The following ARID5B variants were observed in gnomAD, a reference collection of about 807,000 sequenced individuals.
The protein encoded by ARID5B is AT-rich interaction domain 5B.
In ARID5B, 13 loss-of-function variants were observed where a neutral mutation model predicts 97.2. The observed-to-expected ratio is 0.13, with a 90% confidence interval of 0.09 to 0.21. The LOEUF is 0.21. Ranked by LOEUF, ARID5B falls within the 10% of genes least tolerant of loss-of-function variation. The pLI is 1.00. For synonymous variants in ARID5B, 556 were observed against 570.3 expected, an observed-to-expected ratio of 0.97 and a Z score of 0.36; for missense variants, 1,210 against 1,465.3, an observed-to-expected ratio of 0.83 and a Z score of 2.84.
rs1272054120 is a variant in ARID5B at position 62,077,698 on chromosome 10, A to C, written c.1199+7901A>C. On this transcript the variant is annotated intron_variant, in intron 8 of 9. Transcript: ENST00000279873. Reference sequence around the variant, plus strand: ...ATAGTTTTCATCAAGCATGAATTTAAATTTGAGAATAGATTAGGTGTCTTA... The same window carrying C: ...ATAGTTTTCATCAAGCATGAATTTACATTTGAGAATAGATTAGGTGTCTTA... Among the ~76,000 whole-genome samples, 2 of 152,208 alleles carry C rather than the reference A, an allele frequency of 1.3e-5. 1 individual carries two copies. Among genetic ancestry groups the C allele is most frequent in the Non-Finnish European group, 2.9e-5 (2 of 68,038 alleles).
intron 3 of ARID5B, among the ~76,000 whole-genome samples, chr10:61,964,259 G>A (rs1374061530): frequency 6.6e-6 from 1 of 152,130 alleles, no homozygotes; most frequent in Non-Finnish European, 1.5e-5. Context: ...CAGAGATAGG[G>A]AGGAAGAGTC....
At chr10:62,040,656 A>G (rs1839625051) in intron 4 of ARID5B, among the ~76,000 whole-genome samples, 1 of 152,220 alleles carries the variant, frequency 6.6e-6, no homozygotes, top group African/African-American at 2.4e-5. Flanking sequence ...TGTGGAGTTA[A>G]TTTTAATAAT....
intron 4 of ARID5B, among the ~76,000 whole-genome samples, chr10:62,037,181 A>C (rs1334226256): frequency 1.3e-5 from 2 of 152,234 alleles, no homozygotes; most frequent in Admixed American, 1.3e-4. Context: ...AGTAATCCAA[A>C]GTATTAGCAA....
At position 62,091,003 on chromosome 10, in the gene ARID5B, C is replaced by T. The variant is rs555707909; in HGVS notation, c.1540C>T (p.Pro514Ser). The T allele has an allele frequency of 4.3e-6, 7 of 1,614,010 alleles. No individual in the cohort carries two copies. The East Asian group carries it at 1.1e-4, about 26-fold the overall frequency. Reference sequence around the variant, plus strand: ...GAAGCCCCTGGCATCCAGAGTAGACCCAGAGAAGGACAACGAAACAGACCA... The same window carrying T: ...GAAGCCCCTGGCATCCAGAGTAGACTCAGAGAAGGACAACGAAACAGACCA... ...SAKPLASRVD[P>S]EKDNETDQGS... Residue 514 changes from proline (P) to serine (S), a missense_variant, in exon 10 of 10, where the codon CCA (proline) becomes TCA (serine). Coordinates refer to ENST00000279873, the MANE Select transcript of ARID5B (RefSeq NM_032199.3).
intron 4 of ARID5B, among the ~76,000 whole-genome samples, chr10:62,021,484 G>A (rs1839355919): frequency 6.6e-6 from 1 of 152,124 alleles, no homozygotes; most frequent in Non-Finnish European, 1.5e-5. Flanking sequence ...AGAGGAAGTT[G>A]GCATAATTGA....
intron 4 of ARID5B, among the ~76,000 whole-genome samples, chr10:62,045,692 A>C (rs1016824932): frequency 6.6e-6 from 1 of 151,646 alleles, no homozygotes; most frequent in Non-Finnish European, 1.5e-5. Context: ...CACGTGATCC[A>C]CCCGCCTCAG....
intron 8 of ARID5B, among the ~76,000 whole-genome samples, chr10:62,081,930 T>C (rs1404274973): frequency 6.6e-6 from 1 of 152,184 alleles, no homozygotes; most frequent in Non-Finnish European, 1.5e-5. Flanking sequence ...ATTTAGTGGC[T>C]CAGATGCTAA....
intron 2 of ARID5B, among the ~76,000 whole-genome samples, chr10:61,934,671 A>G (rs1003518354): frequency 6.6e-6 from 1 of 152,190 alleles, no homozygotes; most frequent in Admixed American, 6.5e-5. Flanking sequence ...TTGCCACCTT[A>G]TATCTGCATG....
intron 2 of ARID5B, among the ~76,000 whole-genome samples, chr10:61,915,152 C>A (rs756043287): frequency 1.3e-5 from 2 of 152,134 alleles, no homozygotes; most frequent in African/African-American, 2.4e-5. Flanking sequence ...CTCCACATAG[C>A]GCCTTTCTCA....
chr10:62,002,340 C>T (rs910963287), intron 4 of ARID5B, among the ~76,000 whole-genome samples: 1 of 152,138 alleles, frequency 6.6e-6, no homozygotes, highest in African/African-American at 2.4e-5. Context: ...TCTGGTATAG[C>T]TAATTTTAAT....
intron 4 of ARID5B, among the ~76,000 whole-genome samples, chr10:62,030,203 C>T (rs1203891919): frequency 2.0e-5 from 3 of 151,706 alleles, no homozygotes; most frequent in Admixed American, 1.3e-4. Context: ...GATCTCGGCT[C>T]ACGGCAACTT....
chr10:61,909,318 G>GTTTTTTTTTTTTT (rs777612375), intron 2 of ARID5B, among the ~76,000 whole-genome samples: 1 of 77,242 alleles, frequency 1.3e-5, no homozygotes, highest in Non-Finnish European at 2.3e-5. Flanking sequence ...TATTCAGTGA[G>GTTTTTTTTTTTTT]TTTTTTTTTT....
chr10:61,977,014 C>T (rs183266728), intron 3 of ARID5B, among the ~76,000 whole-genome samples: 13 of 152,262 alleles, frequency 8.5e-5, no homozygotes, highest in African/African-American at 2.4e-4. Context: ...CTCCCCTCCC[C>T]TCACCCCACA....
chr10:61,905,790 G>A (rs779004438), intron 2 of ARID5B, among the ~76,000 whole-genome samples: 1 of 152,144 alleles, frequency 6.6e-6, no homozygotes, highest in Admixed American at 6.5e-5. Flanking sequence ...TCCTTATCCT[G>A]TAAAGTTAAG....
At position 62,051,008 on chromosome 10, in the gene ARID5B, C is replaced by A. The variant is rs1839781991; in HGVS notation, c.846+8C>A. The stretch of plus-strand genomic sequence containing the variant: ...GGCAAAGCCGTTGCCAAGGTACGGT[C>A]ATTCACTCCACGGTATTCATTTCGT... On this transcript the variant is annotated splice_region_variant and intron_variant, in intron 5 of 9. Coordinates refer to ENST00000279873, the MANE Select transcript of ARID5B (RefSeq NM_032199.3). The A allele has an allele frequency of 6.3e-7, 1 of 1,598,600 alleles. No homozygotes were observed. The highest frequency in any genetic ancestry group is 1.1e-5 in the South Asian group (1 of 90,722).
At chr10:61,997,156 G>A (rs539903413) in intron 3 of ARID5B, among the ~76,000 whole-genome samples, 2 of 152,184 alleles carry the variant, frequency 1.3e-5, no homozygotes, top group South Asian at 4.2e-4. Flanking sequence ...ACAGTTGTAG[G>A]AGTTGAGAGT....
intron 3 of ARID5B, among the ~76,000 whole-genome samples, chr10:61,984,423 G>A (rs1185570256): frequency 1.3e-5 from 2 of 152,216 alleles, no homozygotes; most frequent in Admixed American, 6.5e-5. Flanking sequence ...GGAGACTTAG[G>A]TTACTCTTCC....
rs964962818 is a variant in ARID5B at position 61,902,401 on chromosome 10, C to T, written c.264C>T (p.Ser88=). Residue 88 remains serine, a synonymous_variant, in exon 2 of 10, where the codon AGC becomes AGT. Coordinates refer to ENST00000279873, the MANE Select transcript of ARID5B (RefSeq NM_032199.3). ...LPEDTPQGRN[S]DHGEDEVIAV... is the part of the protein sequence containing the mutation. ...AAGACACTCCCCAGGGCAGAAATAG[C>T]GACCATGGCGAGGTGGTAAACCTGT... 1.9e-6 allele frequency: 3 copies of T among 1,613,988 alleles called. No individual in the cohort carries two copies. The highest frequency in any genetic ancestry group is 2.5e-6 in the Non-Finnish European group (3 of 1,179,864).
chr10:61,985,497 T>C (rs987572709), intron 3 of ARID5B, among the ~76,000 whole-genome samples: 1 of 152,064 alleles, frequency 6.6e-6, no homozygotes, highest in African/African-American at 2.4e-5. Flanking sequence ...GTTAATCCAT[T>C]TATATGAAAT....
Sources: allele counts gnomAD v4.1 joint callset (sites outside exome capture counted in the v4.1 genomes callset), GRCh38; gene constraint gnomAD v4.1.1; transcripts MANE v1.5; gene names NCBI Gene and HGNC (gene_info 2026-07-23, HGNC 2026-07-21).